CHD6: variants seen among roughly 807,000 people sequenced by gnomAD.
The protein encoded by CHD6 is ATP-dependent chromatin remodeler CHD6.
Under a neutral mutation model 276.9 loss-of-function variants are expected in CHD6, and 50 were observed. That is an observed-to-expected ratio of 0.18 (90% CI 0.14 to 0.23). The LOEUF (loss-of-function observed/expected upper bound fraction) is 0.23, where lower values mean the gene tolerates loss of function less well. CHD6 is among the 10% of genes least tolerant of loss of function. The probability of loss-of-function intolerance (pLI) is 1.00; values close to 1 mark genes in which losing one functional copy is unlikely to be tolerated. For missense variants in CHD6, 2,564 were observed against 3,365.8 expected (o/e 0.76, Z 5.89); for synonymous variants, 1,173 against 1,229.3 (o/e 0.95, Z 0.96).
At chr20:41,591,419 C>CAT (rs1353337215) in intron 1 of CHD6, among the ~76,000 whole-genome samples, 3 of 144,900 alleles carry the variant, frequency 2.1e-5, no homozygotes, top group Admixed American at 1.4e-4. Context: ...TATATATATA[C>CAT]ATATATATAT....
intron 7 of CHD6, 29 bp from the exon 8 acceptor site, chr20:41,497,530 A>G (rs2043716841): frequency 1.4e-6 from 2 of 1,459,636 alleles, no homozygotes; most frequent in Admixed American, 1.7e-5. Flanking sequence ...ATTGTCAGGC[A>G]AGCACATAAC....
chr20:41,501,497 A>C (rs2043828429), intron 5 of CHD6, among the ~76,000 whole-genome samples: 1 of 152,174 alleles, frequency 6.6e-6, no homozygotes, highest in African/African-American at 2.4e-5. Flanking sequence ...ATCATACAGT[A>C]TGTAGTTCAT....
chr20:41,526,366 C>T (rs6093492), intron 3 of CHD6, among the ~76,000 whole-genome samples: 72,291 of 152,002 alleles, frequency 0.48, 18,623 homozygotes, highest in African/African-American at 0.68. Flanking sequence ...AAGAACCCCA[C>T]TAATGTAATC....
At chr20:41,565,068 C>T (rs1016801471) in intron 1 of CHD6, among the ~76,000 whole-genome samples, 2 of 151,486 alleles carry the variant, frequency 1.3e-5, no homozygotes, top group Non-Finnish European at 2.9e-5. Flanking sequence ...GAAGAGAAGT[C>T]ATGGAGTCCA....
intron 27 of CHD6, among the ~76,000 whole-genome samples, chr20:41,428,924 G>A (rs1481449216): frequency 6.6e-6 from 1 of 152,136 alleles, no homozygotes; most frequent in Non-Finnish European, 1.5e-5. Context: ...TAGTATTTGA[G>A]TTCACAGAAC....
chr20:41,570,509 C>G (rs1262484399), intron 1 of CHD6, among the ~76,000 whole-genome samples: 1 of 152,194 alleles, frequency 6.6e-6, no homozygotes, highest in Non-Finnish European at 1.5e-5. Context: ...GCTAATTTCA[C>G]CACTTATGCT....
intron 17 of CHD6, among the ~76,000 whole-genome samples, chr20:41,463,480 G>A (rs1174728934): frequency 1.3e-5 from 2 of 152,166 alleles, no homozygotes; most frequent in Non-Finnish European, 2.9e-5. Flanking sequence ...AGTGATCAAA[G>A]TTACCATCAT....
At chr20:41,591,889 G>A (rs530470022) in intron 1 of CHD6, among the ~76,000 whole-genome samples, 2 of 152,238 alleles carry the variant, frequency 1.3e-5, no homozygotes, top group Admixed American at 6.5e-5. Flanking sequence ...CACAAGGTCA[G>A]GAGATCAAGA....
chr20:41,458,891 G>A (rs971565059), intron 17 of CHD6, among the ~76,000 whole-genome samples: 2 of 152,116 alleles, frequency 1.3e-5, no homozygotes, highest in Non-Finnish European at 2.9e-5. Context: ...GACACCCCAG[G>A]TCCTTCCTTA....
intron 2 of CHD6, among the ~76,000 whole-genome samples, chr20:41,542,290 G>A (rs1157154404): frequency 6.6e-6 from 1 of 152,188 alleles, no homozygotes; most frequent in Non-Finnish European, 1.5e-5. Flanking sequence ...TGGCCCACAT[G>A]TAGTTTTACA....
intron 27 of CHD6, among the ~76,000 whole-genome samples, chr20:41,435,279 A>T (rs1246525079): frequency 6.6e-6 from 1 of 152,194 alleles, no homozygotes; most frequent in East Asian, 1.9e-4. Flanking sequence ...TCAAATCAAT[A>T]ACAAAGAAAC....
At chr20:41,446,307 A>AT (rs1452240414) in intron 24 of CHD6, among the ~76,000 whole-genome samples, 5 of 152,194 alleles carry the variant, frequency 3.3e-5, no homozygotes, top group African/African-American at 1.2e-4. Context: ...GGTAAGTGCC[A>AT]TAACAGGTGG....
chr20:41,497,314 G>C, intron 8 of CHD6, 70 bp downstream of exon 8: 4 of 993,200 alleles, frequency 4.0e-6, no homozygotes, highest in Non-Finnish European at 4.9e-6. Context: ...CTTGGACTTA[G>C]AAACGTAAAC....
At chr20:41,520,658 C>CG (rs1465241481) in intron 3 of CHD6, among the ~76,000 whole-genome samples, 1 of 114,438 alleles carries the variant, frequency 8.7e-6, no homozygotes, top group Non-Finnish European at 1.7e-5. Flanking sequence ...CATCACACAC[C>CG]GGGGCCTGTT....
chr20:41,422,357 T>C (rs984904014), intron 30 of CHD6, among the ~76,000 whole-genome samples: 1 of 152,096 alleles, frequency 6.6e-6, no homozygotes, highest in Non-Finnish European at 1.5e-5. Flanking sequence ...AGGCCAGGCA[T>C]AGTATAGTAG....
rs548995390 is a variant in CHD6 at position 41,533,546 on chromosome 20, G to C, written c.58C>G (p.His20Asp). ...ACAGAGGCATCAGACATTGGGGAGT[G>C]ATTCAAAACTTTTAAATTTGACAAC... Reference protein sequence around the residue: ...KQLSNLKVLNHSPMSDASVNF... With the variant: ...KQLSNLKVLNDSPMSDASVNF... The change falls in exon 3 of 37, where the codon CAC becomes GAC. Residue 20 changes from histidine to aspartate, a missense_variant. By Grantham distance (81) the His-to-Asp change is moderately conservative. Coordinates refer to ENST00000373233, the MANE Select transcript of CHD6 (RefSeq NM_032221.5). 1 of 1,605,994 alleles carries C rather than the reference G, an allele frequency of 6.2e-7. No individual in the cohort carries two copies. Among genetic ancestry groups the C allele is most frequent in the Admixed American group, 1.7e-5 (1 of 58,662 alleles).
chr20:41,472,612 G>A (rs1482210654), intron 17 of CHD6, among the ~76,000 whole-genome samples: 1 of 152,164 alleles, frequency 6.6e-6, no homozygotes, highest in Non-Finnish European at 1.5e-5. Context: ...CTTTTTGGCT[G>A]ACTTCGCGTC....
intron 14 of CHD6, among the ~76,000 whole-genome samples, chr20:41,487,412 G>A (rs191801527): frequency 3.4e-4 from 51 of 152,112 alleles, no homozygotes; most frequent in Non-Finnish European, 4.4e-4. Context: ...AAGGAGGCCC[G>A]ATACACCAAC....
At chr20:41,495,872 TGAAA>T (rs2043673567) in intron 8 of CHD6, among the ~76,000 whole-genome samples, 1 of 152,250 alleles carries the variant, frequency 6.6e-6, no homozygotes, top group Non-Finnish European at 1.5e-5. Flanking sequence ...ATACTGAGTT[TGAAA>T]GAGCTTATGC....
Sources: allele counts gnomAD v4.1 joint callset (sites outside exome capture counted in the v4.1 genomes callset), GRCh38; gene constraint gnomAD v4.1.1; transcripts MANE v1.5; gene names NCBI Gene and HGNC (gene_info 2026-07-23, HGNC 2026-07-21).